The following RPL6 variants were observed in gnomAD, a reference collection of about 807,000 sequenced individuals.
RPL6 encodes the protein large ribosomal subunit protein eL6.
A neutral mutation model predicts 32.1 loss-of-function variants in RPL6; 1 was observed. The observed-to-expected ratio is 0.03, with a 90% CI of 0.01 to 0.15. The LOEUF is 0.15. Among genes scored for constraint, RPL6 ranks in the 10% least tolerant of loss-of-function variants. The pLI, the probability that RPL6 is intolerant of heterozygous loss-of-function variation, is 1.00. For missense variants in RPL6, 275 were observed against 354.6 expected, an observed-to-expected ratio of 0.78 and a Z score of 1.80; for synonymous variants, 126 against 131.6, an observed-to-expected ratio of 0.96 and a Z score of 0.29.
upstream of RPL6, among the ~76,000 whole-genome samples, chr12:112,413,969 G>C (rs2037372150): frequency 1.3e-5 from 2 of 152,182 alleles, no homozygotes; most frequent in Non-Finnish European, 2.9e-5. Flanking sequence ...GTTGAAATGT[G>C]TTAGGTGCTG....
At chr12:112,412,730 C>T (rs1003975300), upstream of RPL6, among the ~76,000 whole-genome samples, 1 of 151,988 alleles carries the variant, frequency 6.6e-6, no homozygotes, top group African/African-American at 2.4e-5. Context: ...TCTTTTAAAG[C>T]CTGGCCAACA....
chr12:112,415,475 G>A (rs2037395879), intron 1 of RPL6, among the ~76,000 whole-genome samples: 1 of 152,198 alleles, frequency 6.6e-6, no homozygotes, highest in Non-Finnish European at 1.5e-5. Flanking sequence ...CACTTTGGGA[G>A]GCTGAGGTGG....
intron 1 of RPL6, 173 bp from the exon 2 acceptor site, chr12:112,408,829 A>T (rs2037265559): frequency 3.2e-6 from 2 of 616,656 alleles, no homozygotes; most frequent in Non-Finnish European, 5.6e-6. Flanking sequence ...CTTCACTATG[A>T]CTCATTTGGG....
At chr12:112,410,378 C>T (rs1462522080), upstream of RPL6, 5 of 255,162 alleles carry the variant, frequency 2.0e-5, no homozygotes, top group Middle Eastern at 7.0e-4. Flanking sequence ...TCCCGTCCTC[C>T]GGCCTGGCCT....
intron 1 of RPL6, among the ~76,000 whole-genome samples, chr12:112,417,760 C>G (rs2037436411): frequency 6.6e-6 from 1 of 150,990 alleles, no homozygotes. Flanking sequence ...CAGGCTCAAG[C>G]AATCCTCTCA....
rs1203010405 is a variant in RPL6, at chr12:112,406,049, A to C, written c.530-12T>G. The C allele has an allele frequency of 1.3e-6, 2 of 1,593,318 alleles. No individual in the cohort carries two copies. The highest frequency in any genetic ancestry group is 1.7e-6 in the Non-Finnish European group (2 of 1,169,742). ...GAGGACCAGAGGTCCTAAGGGGGAA[A>C]AATTAATTTAGCAAGGAAAAGGGGG... On this transcript the variant is annotated splice_polypyrimidine_tract_variant and intron_variant, in intron 5 of 6. Coordinates refer to ENST00000202773, the MANE Select transcript of RPL6 (RefSeq NM_000970.6).
chr12:112,407,173 C>T (rs2037196792), intron 3 of RPL6: 3 of 318,400 alleles, frequency 9.4e-6, no homozygotes, highest in Non-Finnish European at 1.8e-5. Flanking sequence ...AACTAAACCT[C>T]AGAGATTACA....
intron 1 of RPL6, among the ~76,000 whole-genome samples, chr12:112,417,181 C>G (rs550589742): frequency 6.6e-6 from 1 of 152,114 alleles, no homozygotes; most frequent in African/African-American, 2.4e-5. Flanking sequence ...CCTCAGCCTC[C>G]GGAGTAGCTG....
chr12:112,408,342 C>T lies in RPL6; in HGVS notation c.238-4G>A. 3 of 1,614,122 alleles carry T rather than the reference C, an allele frequency of 1.9e-6. No homozygotes were observed. Among genetic ancestry groups the T allele is most frequent in the Non-Finnish European group, 2.5e-6 (3 of 1,179,986 alleles). ...TCTCCTTCTTTTTCTTTTCAACCTA[C>T]AAGGACACAAATGCATCAACAGTAA... On this transcript the variant is annotated splice_region_variant and splice_polypyrimidine_tract_variant and intron_variant, in intron 2 of 6. Coordinates refer to ENST00000202773, the MANE Select transcript of RPL6 (RefSeq NM_000970.6).
chr12:112,415,035 G>C (rs2037388544), upstream of RPL6, among the ~76,000 whole-genome samples: 1 of 152,206 alleles, frequency 6.6e-6, no homozygotes, highest in Non-Finnish European at 1.5e-5. Context: ...ACCTGCACTA[G>C]AGAATCGGGT....
At chr12:112,411,141 A>C (rs2037337013), upstream of RPL6, among the ~76,000 whole-genome samples, 1 of 152,230 alleles carries the variant, frequency 6.6e-6, no homozygotes, top group Non-Finnish European at 1.5e-5. Context: ...TTAGGCTGCA[A>C]GATTAAAGAG....
intron 5 of RPL6, 82 bp downstream of exon 5, chr12:112,406,212 G>A (rs530973978): frequency 1.5e-6 from 2 of 1,305,570 alleles, no homozygotes; most frequent in South Asian, 1.2e-5. Context: ...CTACCATGTA[G>A]GCAGTAGCAA....
At chr12:112,406,192 C>A in intron 5 of RPL6, 102 bp downstream of exon 5, 1 of 1,233,630 alleles carries the variant, frequency 8.1e-7, no homozygotes, top group Non-Finnish European at 1.2e-6. Flanking sequence ...ACACTTGTGG[C>A]AATAAGTGTC....
upstream of RPL6, among the ~76,000 whole-genome samples, chr12:112,414,719 C>T (rs759683918): frequency 1.1e-4 from 17 of 152,104 alleles, no homozygotes; most frequent in East Asian, 1.9e-4. Context: ...CTGGCTAATG[C>T]GGTGAAACCC....
At chr12:112,405,507 A>G in intron 6 of RPL6, 131 bp from the exon 7 acceptor site, 1 of 969,022 alleles carries the variant, frequency 1.0e-6, no homozygotes, top group African/African-American at 1.7e-5. Flanking sequence ...AATTTTGACA[A>G]TCCTTTCCTT....
At chr12:112,416,131 G>GTTT (rs2037405215) in intron 1 of RPL6, among the ~76,000 whole-genome samples, 1 of 84,962 alleles carries the variant, frequency 1.2e-5, no homozygotes, top group African/African-American at 5.0e-5. Context: ...GCTAAATTTT[G>GTTT]TATTTTTTTT....
Position 112,418,825 on chromosome 12 carries a change from G to C in RPL6, c.-326C>G, listed in dbSNP as rs377496292. 66 of 479,868 alleles carry C rather than the reference G, an allele frequency of 1.4e-4. No individual in the cohort carries two copies. The East Asian group carries it at 1.7e-3, about 12-fold the overall frequency. 29.7% of individuals were successfully genotyped at this position (479,868 alleles called of 1,614,324 possible). A position where few individuals can be genotyped will look rare whatever the true frequency, so the allele number is the denominator to read the frequency against. The stretch of plus-strand genomic sequence containing the variant: ...GCGCTGCCATTCCCGGCCGTCGCTC[G>C]GTCCTCCGCTGACGGGAAGCAGGAA... On this transcript the variant is annotated 5_prime_UTR_variant, in exon 1 of 6. Transcript: ENST00000551291.
upstream of RPL6, among the ~76,000 whole-genome samples, chr12:112,414,775 G>C (rs1826106453): frequency 6.6e-6 from 1 of 152,040 alleles, no homozygotes; most frequent in Admixed American, 6.6e-5. Context: ...CGTGGTGGCA[G>C]GTACCTGTAG....
At chr12:112,405,550 G>T in intron 6 of RPL6, 174 bp from the exon 7 acceptor site, 1 of 704,230 alleles carries the variant, frequency 1.4e-6, no homozygotes. Context: ...ATTTTTTAAT[G>T]TAATAAAAGT....
Sources: allele counts gnomAD v4.1 joint callset (sites outside exome capture counted in the v4.1 genomes callset), GRCh38; gene constraint gnomAD v4.1.1; transcripts MANE v1.5; gene names NCBI Gene and HGNC (gene_info 2026-07-23, HGNC 2026-07-21).